RABGAP1L: variants seen among roughly 807,000 people sequenced by gnomAD.
RABGAP1L encodes RAB GTPase activating protein 1 like, also known as rab GTPase-activating protein 1-like.
RABGAP1L carries 63 observed loss-of-function variants against 137.7 expected under a neutral mutation model. The observed-to-expected ratio is 0.46, with a 90% confidence interval of 0.37 to 0.56. RABGAP1L has a LOEUF of 0.56. Among genes scored for constraint, RABGAP1L ranks in the 20% least tolerant of loss-of-function variants. The pLI is 0.00. For missense variants in RABGAP1L, 1,095 were observed against 1,244.0 expected (o/e 0.88, Z 1.80); for synonymous variants, 431 against 433.7 (o/e 0.99, Z 0.08).
chr1:174,551,001 T>TATATATATATATATATAC lies in RABGAP1L; in HGVS notation c.1711-86357_1711-86356insCATATATATATATATATA, dbSNP rs1558334488. Among the ~76,000 whole-genome samples the TATATATATATATATATAC allele has an allele frequency of 1.9e-3, 181 of 95,884 alleles. 9 individuals carry two copies. Among genetic ancestry groups the TATATATATATATATATAC allele is most frequent in the African/African-American group, 8.7e-3 (169 of 19,440 alleles). 62.9% of individuals were successfully genotyped at this position (95,884 alleles called of 152,430 possible). On this transcript the variant is annotated intron_variant, in intron 13 of 25. Transcript: ENST00000681986. ...ATATATACATATATATATATACACA[T>TATATATATATATATATAC]ATATATATATATATATATATACATA...
intron 5 of RABGAP1L, chr1:174,245,695 G>A (rs914476588): frequency 1.3e-5 from 2 of 151,850 alleles, no homozygotes; most frequent in East Asian, 1.9e-4. Context: ...GAGTGCAGTG[G>A]CGTGATCTCG....
chr1:174,438,994 G>A (rs1334998170), intron 13 of RABGAP1L, among the ~76,000 whole-genome samples: 4 of 150,806 alleles, frequency 2.7e-5, no homozygotes, highest in African/African-American at 7.3e-5. Flanking sequence ...TGGGCTCTTG[G>A]GAAGACATTT....
rs1671961354 is a variant in RABGAP1L at position 174,990,104 on chromosome 1, AC to A, written c.*104del. ...GAAGGAAAGTCAAGGAGGCCAGAAAACAAGCCAGAATTTTTCAGTAGCTCTC... is the reference window on the plus strand; with the variant it reads ...GAAGGAAAGTCAAGGAGGCCAGAAAAAAGCCAGAATTTTTCAGTAGCTCTC... On this transcript the variant is annotated 3_prime_UTR_variant, in exon 26 of 26. Transcript: ENST00000681986. 7.3e-7 allele frequency: 1 copy of A among 1,362,506 alleles called. No homozygotes were observed. 84.4% of individuals were successfully genotyped at this position (1,362,506 alleles called of 1,614,324 possible).
At chr1:174,339,071 T>C (rs1442983453) in intron 11 of RABGAP1L, among the ~76,000 whole-genome samples, 1 of 152,210 alleles carries the variant, frequency 6.6e-6, no homozygotes, top group Non-Finnish European at 1.5e-5. Flanking sequence ...CATGTTACTT[T>C]GGTACATTTT....
chr1:174,216,499 G>A (rs1288498217), intron 1 of RABGAP1L, among the ~76,000 whole-genome samples: 2 of 150,450 alleles, frequency 1.3e-5, no homozygotes, highest in East Asian at 3.9e-4. Flanking sequence ...TGTAACCCAT[G>A]TACAAGTAGT....
At chr1:174,863,411 T>C (rs1208366970) in intron 19 of RABGAP1L, among the ~76,000 whole-genome samples, 1 of 151,164 alleles carries the variant, frequency 6.6e-6, no homozygotes, top group Non-Finnish European at 1.5e-5. Context: ...CAGTGGCTCA[T>C]GCCTGTAATC....
intron 13 of RABGAP1L, among the ~76,000 whole-genome samples, chr1:174,498,408 G>A (rs1205092438): frequency 6.6e-6 from 1 of 152,096 alleles, no homozygotes; most frequent in Non-Finnish European, 1.5e-5. Context: ...TTATTACTGT[G>A]CGACTTTGAA....
chr1:174,388,667 G>A (rs1443589464), intron 12 of RABGAP1L, among the ~76,000 whole-genome samples: 6 of 152,016 alleles, frequency 3.9e-5, no homozygotes, highest in Admixed American at 6.6e-5. Context: ...AACTGCTTCA[G>A]GTTTTGAGAT....
chr1:174,960,409 C>T (rs978135413), intron 20 of RABGAP1L, among the ~76,000 whole-genome samples: 1 of 152,178 alleles, frequency 6.6e-6, no homozygotes, highest in African/African-American at 2.4e-5. Context: ...ATGCAGATAT[C>T]TTCATGGTTA....
intron 13 of RABGAP1L, among the ~76,000 whole-genome samples, chr1:174,562,244 A>G (rs986032921): frequency 2.0e-5 from 3 of 152,224 alleles, no homozygotes; most frequent in Non-Finnish European, 4.4e-5. Flanking sequence ...CAACAAACAT[A>G]TGAAAAAAAT....
chr1:174,838,917 CAAAAAAAAAAAAAAAAAAAAAAAAA>C (rs58265128), intron 19 of RABGAP1L, among the ~76,000 whole-genome samples: 23 of 22,456 alleles, frequency 1.0e-3, no homozygotes, highest in Non-Finnish European at 1.7e-3. Flanking sequence ...GACTCCGTCT[CAAAAAAAAAAAAAAAAAAAAAAAAA>C]AAAAAAAAAA....
chr1:174,917,341 T>C (rs1206637684), intron 19 of RABGAP1L, among the ~76,000 whole-genome samples: 4 of 152,230 alleles, frequency 2.6e-5, no homozygotes, highest in African/African-American at 9.6e-5. Flanking sequence ...GTTGATATTA[T>C]GTATACATCA....
chr1:174,655,338 C>T (rs1378673646), intron 14 of RABGAP1L, among the ~76,000 whole-genome samples: 6 of 152,192 alleles, frequency 3.9e-5, no homozygotes, highest in Non-Finnish European at 8.8e-5. Flanking sequence ...CTTACTCTTT[C>T]ATTCACTTTC....
At chr1:174,215,470 T>A (rs12058723) in intron 1 of RABGAP1L, among the ~76,000 whole-genome samples, 42,189 of 146,628 alleles carry the variant, frequency 0.29, 6,466 homozygotes, top group African/African-American at 0.36. Context: ...AAAAAAAAAA[T>A]AATAATAATA....
At chr1:174,617,509 C>G (rs1671998888) in intron 13 of RABGAP1L, among the ~76,000 whole-genome samples, 1 of 152,170 alleles carries the variant, frequency 6.6e-6, no homozygotes, top group African/African-American at 2.4e-5. Flanking sequence ...TCCTTCTGTT[C>G]TTAGCCATTC....
At chr1:174,692,688 T>C (rs1678956866) in intron 15 of RABGAP1L, among the ~76,000 whole-genome samples, 1 of 152,194 alleles carries the variant, frequency 6.6e-6, no homozygotes, top group Non-Finnish European at 1.5e-5. Context: ...TGCATCTGTT[T>C]ATTCTTTTGA....
At chr1:174,186,957 A>T (rs1259233328) in intron 1 of RABGAP1L, among the ~76,000 whole-genome samples, 1 of 152,158 alleles carries the variant, frequency 6.6e-6, no homozygotes, top group African/African-American at 2.4e-5. Context: ...GTGGTACAAG[A>T]CTGTACATTA....
intron 13 of RABGAP1L, among the ~76,000 whole-genome samples, chr1:174,529,313 A>G (rs1399167975): frequency 6.6e-6 from 1 of 152,116 alleles, no homozygotes; most frequent in Non-Finnish European, 1.5e-5. Context: ...CTTTTCCTGA[A>G]AATGCATCTA....
At chr1:174,506,625 G>A (rs1174839929) in intron 13 of RABGAP1L, among the ~76,000 whole-genome samples, 1 of 152,110 alleles carries the variant, frequency 6.6e-6, no homozygotes, top group Non-Finnish European at 1.5e-5. Context: ...AAAATGATAA[G>A]TATATTAGGT....
Sources: gnomAD v4.1 joint callset for allele counts (sites outside exome capture counted in the v4.1 genomes callset) on GRCh38, gnomAD v4.1.1 for gene constraint, MANE v1.5 for transcripts, NCBI Gene and HGNC (gene_info 2026-07-23, HGNC 2026-07-21) for gene names.